ZFPM2: variants seen among roughly 807,000 people sequenced by gnomAD.
ZFPM2 encodes zinc finger protein ZFPM2.
Under a neutral mutation model 98.6 loss-of-function variants are expected in ZFPM2, and 20 were observed. The observed-to-expected ratio is 0.20, with a 90% CI of 0.14 to 0.29. The LOEUF is 0.29. ZFPM2 is among the 10% of genes least tolerant of loss of function. The pLI, the probability that ZFPM2 is intolerant of heterozygous loss-of-function variation, is 1.00. For synonymous variants in ZFPM2, 518 were observed against 502.7 expected, an observed-to-expected ratio of 1.03 and a Z score of -0.41; for missense variants, 1,310 against 1,388.6, an observed-to-expected ratio of 0.94 and a Z score of 0.90.
chr8:105,738,737 T>C (rs1472764100), intron 5 of ZFPM2, among the ~76,000 whole-genome samples: 2 of 152,114 alleles, frequency 1.3e-5, no homozygotes, highest in African/African-American at 4.8e-5. Flanking sequence ...TGGTATTTCA[T>C]TGTGGTTTTG....
At chr8:105,678,957 T>C (rs1810536739) in intron 5 of ZFPM2, 1 of 152,212 alleles carries the variant, frequency 6.6e-6, no homozygotes. Flanking sequence ...TAAAGAATAA[T>C]GGCTGAGTTT....
At chr8:105,689,915 G>A (rs1810836682) in intron 5 of ZFPM2, among the ~76,000 whole-genome samples, 1 of 152,162 alleles carries the variant, frequency 6.6e-6, no homozygotes, top group African/African-American at 2.4e-5. Context: ...GACTGAAAGA[G>A]AGAAAAAGTG....
intron 5 of ZFPM2, among the ~76,000 whole-genome samples, chr8:105,648,459 A>G (rs1002465530): frequency 9.2e-5 from 14 of 152,140 alleles, no homozygotes; most frequent in African/African-American, 3.1e-4. Context: ...GCCCATGCCT[A>G]TGTCCTGAAT....
intron 3 of ZFPM2, among the ~76,000 whole-genome samples, chr8:105,495,567 T>C (rs761563979): frequency 6.6e-6 from 1 of 152,218 alleles, no homozygotes; most frequent in Non-Finnish European, 1.5e-5. Flanking sequence ...GTTCCTGCCT[T>C]ATAAATATCC....
chr8:105,580,603 A>G (rs955311423), intron 4 of ZFPM2, among the ~76,000 whole-genome samples: 20 of 152,088 alleles, frequency 1.3e-4, no homozygotes, highest in African/African-American at 4.3e-4. Flanking sequence ...GATGTTAACA[A>G]CTAGTAGTGT....
chr8:105,707,788 A>G (rs894693669), intron 5 of ZFPM2, among the ~76,000 whole-genome samples: 6 of 152,232 alleles, frequency 3.9e-5, no homozygotes, highest in Admixed American at 2.6e-4. Flanking sequence ...GTAATTCTTT[A>G]TTCCCCACAA....
chr8:105,439,692 A>C (rs1436560871), intron 2 of ZFPM2, among the ~76,000 whole-genome samples: 1 of 152,192 alleles, frequency 6.6e-6, no homozygotes, highest in Non-Finnish European at 1.5e-5. Flanking sequence ...CATGTTTTCC[A>C]AAGTCCCCTC....
intron 5 of ZFPM2, among the ~76,000 whole-genome samples, chr8:105,685,559 A>C (rs1810713360): frequency 6.6e-6 from 1 of 151,966 alleles, no homozygotes; most frequent in African/African-American, 2.4e-5. Flanking sequence ...ACACTTTATG[A>C]GGAACAAATT....
At chr8:105,731,482 T>C (rs894294300) in intron 5 of ZFPM2, among the ~76,000 whole-genome samples, 1 of 151,666 alleles carries the variant, frequency 6.6e-6, no homozygotes, top group Non-Finnish European at 1.5e-5. Flanking sequence ...AGTCTCTGGA[T>C]TGTGTTACAT....
chr8:105,338,168 T>C (rs1812361550), intron 1 of ZFPM2, among the ~76,000 whole-genome samples: 1 of 151,858 alleles, frequency 6.6e-6, no homozygotes, highest in African/African-American at 2.4e-5. Flanking sequence ...TTTTAATAAA[T>C]AAAGGTCCAC....
chr8:105,688,702 T>C (rs1209232360), intron 5 of ZFPM2, among the ~76,000 whole-genome samples: 1 of 152,092 alleles, frequency 6.6e-6, no homozygotes, highest in Non-Finnish European at 1.5e-5. Flanking sequence ...TACATACATA[T>C]ACACACAAAT....
At chr8:105,632,947 T>TA (rs1816780342) in intron 4 of ZFPM2, among the ~76,000 whole-genome samples, 2 of 152,232 alleles carry the variant, frequency 1.3e-5, no homozygotes, top group Admixed American at 1.3e-4. Context: ...ATTTTTCCAT[T>TA]AAACAGTATA....
At chr8:105,406,995 G>T (rs536600925) in intron 1 of ZFPM2, among the ~76,000 whole-genome samples, 286 of 151,952 alleles carry the variant, frequency 1.9e-3, no homozygotes, top group African/African-American at 6.7e-3. Context: ...AAGGTGGTGT[G>T]GTATGATGTG....
Position 105,477,991 on chromosome 8 carries a change from A to G in ZFPM2, c.301+33610A>G, listed in dbSNP as rs532074863. On this transcript the variant is annotated intron_variant, in intron 3 of 7. Transcript: ENST00000407775. ...GCACAGTGCAATTACTTCCATGATA[A>G]GGATTGTTTAATTTTGGCTCCAGGG... 4.6e-5 allele frequency among the ~76,000 whole-genome samples: 7 copies of G among 152,326 alleles called. No individual in the cohort carries two copies. The South Asian group carries it at 1.4e-3, about 32-fold the overall frequency.
intron 5 of ZFPM2, among the ~76,000 whole-genome samples, chr8:105,744,085 C>T (rs759020943): frequency 2.0e-5 from 3 of 152,052 alleles, no homozygotes; most frequent in Non-Finnish European, 2.9e-5. Flanking sequence ...ATGTTGTAGA[C>T]ATGCAAATAG....
chr8:105,615,557 A>G (rs535847476), intron 4 of ZFPM2, among the ~76,000 whole-genome samples: 118 of 152,228 alleles, frequency 7.8e-4, no homozygotes, highest in Non-Finnish European at 1.6e-3. Flanking sequence ...ATTTATATTT[A>G]TAGTCACTGT....
intron 5 of ZFPM2, among the ~76,000 whole-genome samples, chr8:105,742,379 TA>T (rs79123129): frequency 0.21 from 23,410 of 109,676 alleles, 2,454 homozygotes; most frequent in African/African-American, 0.33. Flanking sequence ...TCCTGTCTCT[TA>T]AAAAAAAAAA....
intron 4 of ZFPM2, among the ~76,000 whole-genome samples, chr8:105,598,476 A>G (rs539764257): frequency 1.1e-4 from 16 of 152,246 alleles, no homozygotes; most frequent in African/African-American, 3.6e-4. Context: ...TGCTTCATCA[A>G]ATTGTTTCAA....
chr8:105,505,534 C>G (rs1237966268), intron 3 of ZFPM2, among the ~76,000 whole-genome samples: 1 of 151,982 alleles, frequency 6.6e-6, no homozygotes, highest in Non-Finnish European at 1.5e-5. Context: ...CATATTAAAA[C>G]ATACTTTTTT....
Sources: gnomAD v4.1 joint callset for allele counts (sites outside exome capture counted in the v4.1 genomes callset) on GRCh38, gnomAD v4.1.1 for gene constraint, MANE v1.5 for transcripts, NCBI Gene and HGNC (gene_info 2026-07-23, HGNC 2026-07-21) for gene names.